Variants in BTBD8 observed in about 807,000 individuals in gnomAD.
BTBD8 encodes the protein BTB domain containing 8.
A neutral mutation model predicts 162.9 loss-of-function variants in BTBD8; 110 were observed. The observed-to-expected ratio is 0.68, with a 90% CI of 0.58 to 0.79. The LOEUF (loss-of-function observed/expected upper bound fraction) is 0.79. Among genes scored for constraint, BTBD8 ranks in the 30% least tolerant of loss-of-function variants. BTBD8 has a pLI of 0.00. For missense variants in BTBD8, 1,905 were observed against 2,085.4 expected, an observed-to-expected ratio of 0.91 and a Z score of 1.68; for synonymous variants, 667 against 716.1, an observed-to-expected ratio of 0.93 and a Z score of 1.10.
chr1:92,103,204 C>G (rs1316113164), intron 3 of BTBD8, among the ~76,000 whole-genome samples: 4 of 152,058 alleles, frequency 2.6e-5, no homozygotes, highest in Non-Finnish European at 5.9e-5. Context: ...TTTTTCAAAA[C>G]AAGTGTTAGA....
chr1:92,087,673 A>G (rs1648196486), intron 1 of BTBD8, among the ~76,000 whole-genome samples: 1 of 152,304 alleles, frequency 6.6e-6, no homozygotes, highest in Middle Eastern at 3.4e-3. Flanking sequence ...TAATAGAGGT[A>G]TGTACTGAAT....
rs1321038892 is a variant in BTBD8, at chr1:92,088,608, T to C, written c.150-90T>C. ...TTATGTTGCCTCTGTATTTTTTAGCTTATGTGTTATTTTAAACCTACTTTA... is the reference window on the plus strand; with the variant it reads ...TTATGTTGCCTCTGTATTTTTTAGCCTATGTGTTATTTTAAACCTACTTTA... On this transcript the variant is annotated intron_variant, in intron 1 of 17. Coordinates refer to ENST00000636805, the MANE Select transcript of BTBD8 (RefSeq NM_001376131.1). The C allele has an allele frequency of 5.0e-6, 5 of 1,006,486 alleles. No individual in the cohort carries two copies. In the African/African-American group the frequency reaches 8.2e-5, roughly 17 times the overall value. The allele number at this position is 1,006,486 out of a possible 1,614,324, so 62.3% of individuals were successfully genotyped here.
In BTBD8 at chr1:92,181,081, C is replaced by A; in HGVS notation, c.3398C>A (p.Thr1133Lys). The change falls in exon 17 of 18, where the codon ACA (threonine) becomes AAA (lysine). Residue 1133 changes from threonine to lysine, a missense_variant. Physicochemically the swap from Thr to Lys is moderately conservative, Grantham distance 78 (BLOSUM62 -1). Around this residue, in one of 3 missense-constraint regions of BTBD8, gnomAD observed 1,374 missense variants for 1,442.7 expected, o/e 0.95. Transcript: ENST00000636805. ...GAGAACCAAGTAGGGAGAAAAGATA[C>A]AAACAAACAATCAAGTATTAAATGT... Reference protein sequence around the residue: ...DRENQVGRKDTNKQSSIKCVE... With the variant: ...DRENQVGRKDKNKQSSIKCVE... 4 of 1,551,572 alleles carry A rather than the reference C, an allele frequency of 2.6e-6. No homozygotes were observed. Among genetic ancestry groups the A allele is most frequent in the Non-Finnish European group, 3.5e-6 (4 of 1,146,934 alleles).
intron 6 of BTBD8, among the ~76,000 whole-genome samples, chr1:92,140,609 T>C (rs1397398987): frequency 6.6e-6 from 1 of 152,230 alleles, no homozygotes; most frequent in East Asian, 1.9e-4. Flanking sequence ...GCTTCTTAAG[T>C]ACCTAAAGTA....
chr1:92,082,188 T>C (rs1051876686), intron 1 of BTBD8, among the ~76,000 whole-genome samples: 2 of 151,902 alleles, frequency 1.3e-5, no homozygotes, highest in Non-Finnish European at 2.9e-5. Flanking sequence ...ATTCTTATTA[T>C]AAACAAAGAA....
intron 1 of BTBD8, among the ~76,000 whole-genome samples, chr1:92,087,795 TC>T (rs972470917): frequency 6.6e-6 from 1 of 152,214 alleles, no homozygotes; most frequent in African/African-American, 2.4e-5. Context: ...TACTTGTACC[TC>T]CTGTAGTGTA....
chr1:92,159,385 C>G (rs1279095446), intron 9 of BTBD8, among the ~76,000 whole-genome samples: 1 of 152,000 alleles, frequency 6.6e-6, no homozygotes. Flanking sequence ...CCATATTGCT[C>G]AGGCTGGTCT....
intron 6 of BTBD8, 44 bp from the exon 7 acceptor site, chr1:92,141,071 A>G: frequency 1.3e-6 from 2 of 1,487,432 alleles, no homozygotes; most frequent in South Asian, 1.3e-5. Context: ...TTGTGCCTTG[A>G]TTTTTAAATT....
intron 9 of BTBD8, among the ~76,000 whole-genome samples, chr1:92,160,268 A>G (rs547290315): frequency 2.0e-5 from 3 of 152,108 alleles, no homozygotes; most frequent in Admixed American, 1.3e-4. Context: ...TTTGTCATGC[A>G]TTACTTTCCT....
At chr1:92,182,847 T>G (rs1217728053) in intron 17 of BTBD8, among the ~76,000 whole-genome samples, 2 of 152,076 alleles carry the variant, frequency 1.3e-5, no homozygotes, top group African/African-American at 2.4e-5. Flanking sequence ...TAAGAGATTT[T>G]AAATGAAAGA....
chr1:92,157,012 A>G (rs2391116), intron 9 of BTBD8, among the ~76,000 whole-genome samples: 96,879 of 150,824 alleles, frequency 0.64, 31,588 homozygotes, highest in East Asian at 0.97. Flanking sequence ...GAGGTATAAT[A>G]TAAAGTTTTT....
At chr1:92,137,563 C>T (rs1185657537) in intron 5 of BTBD8, among the ~76,000 whole-genome samples, 1 of 152,068 alleles carries the variant, frequency 6.6e-6, no homozygotes, top group Admixed American at 6.6e-5. Context: ...TTCAAGGGGG[C>T]CCAATAAATA....
intron 4 of BTBD8, chr1:92,115,877 T>C (rs1649030659): frequency 6.5e-6 from 1 of 153,968 alleles, no homozygotes; most frequent in East Asian, 1.9e-4. Flanking sequence ...TCACTTTTTC[T>C]CTTCCTTTTG....
At chr1:92,157,098 C>T (rs183082106) in intron 9 of BTBD8, among the ~76,000 whole-genome samples, 1 of 151,968 alleles carries the variant, frequency 6.6e-6, no homozygotes, top group Non-Finnish European at 1.5e-5. Flanking sequence ...TTGCTACATC[C>T]CATAAGTTTT....
rs1244012497 is a variant in BTBD8 at position 92,181,303 on chromosome 1, C to T, written c.3620C>T (p.Ser1207Leu). Residue 1207 changes from serine to leucine, a missense_variant, in exon 17 of 18, where the codon TCA becomes TTA. Around this residue, in one of 3 missense-constraint regions of BTBD8, gnomAD observed 1,374 missense variants for 1,442.7 expected, o/e 0.95. Transcript: ENST00000636805. ...VSSKCFSGQL[S>L]EKNSPKNMET... ...TCCAAGTGTTTTTCGGGACAGCTAT[C>T]AGAAAAAAATTCTCCTAAAAATATG... is the stretch of plus-strand genomic sequence containing the variant. The T allele has an allele frequency of 6.4e-7, 1 of 1,551,274 alleles. No homozygotes were observed. The highest frequency in any genetic ancestry group is 2.4e-5 in the East Asian group (1 of 40,926).
intron 13 of BTBD8, among the ~76,000 whole-genome samples, chr1:92,173,189 T>C (rs1481301590): frequency 6.6e-6 from 1 of 152,210 alleles, no homozygotes; most frequent in African/African-American, 2.4e-5. Context: ...CCTCCCAAAG[T>C]CCTGGGATTG....
At chr1:92,149,265 T>C (rs900696655) in intron 9 of BTBD8, among the ~76,000 whole-genome samples, 1 of 152,216 alleles carries the variant, frequency 6.6e-6, no homozygotes, top group African/African-American at 2.4e-5. Context: ...ATGTTAATAA[T>C]AGTTAACTTT....
In BTBD8 at chr1:92,171,431, G is replaced by C; in HGVS notation, c.1606G>C (p.Gly536Arg). The change falls in exon 13 of 18, where the codon GGC becomes CGC. Residue 536 changes from glycine to arginine, a missense_variant. Around this residue, in one of 3 missense-constraint regions of BTBD8, gnomAD observed 1,374 missense variants for 1,442.7 expected, o/e 0.95. Transcript: ENST00000636805. ...AFDKGDDRRL[G>R]KKPIFSSSQQ... ...TGACAAAGGTGATGATCGAAGACTT[G>C]GCAAAAAGCCTATATTCAGTAGCTC... 6.5e-7 allele frequency: 1 copy of C among 1,535,016 alleles called. No homozygotes were observed. Among genetic ancestry groups the C allele is most frequent in the Non-Finnish European group, 8.8e-7 (1 of 1,138,660 alleles).
At position 92,180,282 on chromosome 1, in the gene BTBD8, C is replaced by A; in HGVS notation, c.2599C>A (p.Pro867Thr). 6.5e-7 allele frequency: 1 copy of A among 1,545,160 alleles called. No individual in the cohort carries two copies. Among genetic ancestry groups the A allele is most frequent in the Non-Finnish European group, 8.7e-7 (1 of 1,144,892 alleles). Reference protein sequence around the residue: ...TKTQGSQGESPNSVKSSVSSR... With the variant: ...TKTQGSQGESTNSVKSSVSSR... The stretch of plus-strand genomic sequence containing the variant: ...TTTCTTAGGATCCCAAGGAGAGTCA[C>A]CAAACTCAGTAAAATCTTCAGTCTC... The change falls in exon 17 of 18, where the codon CCA becomes ACA. Residue 867 changes from proline to threonine, a missense_variant. Physicochemically the swap from Pro to Thr is conservative, Grantham distance 38. This residue lies in a region of BTBD8 where 1,374 missense variants were observed against 1,442.7 expected (regional missense o/e 0.95). Coordinates refer to ENST00000636805, the MANE Select transcript of BTBD8 (RefSeq NM_001376131.1).
Sources: gnomAD v4.1 joint callset for allele counts (sites outside exome capture counted in the v4.1 genomes callset) on GRCh38, gnomAD v4.1.1 for gene constraint, gnomAD v4.1.1 regional missense constraint, MANE v1.5 for transcripts, NCBI Gene and HGNC (gene_info 2026-07-23, HGNC 2026-07-21) for gene names.